Variants in NKAIN3 observed in about 807,000 individuals in gnomAD.
NKAIN3 encodes the protein sodium/potassium transporting ATPase interacting 3.
In NKAIN3, 25 loss-of-function variants were observed where a neutral mutation model predicts 30.2. That is an observed-to-expected ratio of 0.83 (90% CI 0.60 to 1.16). NKAIN3 has a LOEUF of 1.16. Among genes scored for constraint, NKAIN3 ranks in the 50% most tolerant of loss-of-function variants. The pLI, the probability that NKAIN3 is intolerant of heterozygous loss-of-function variation, is 0.00. For synonymous variants in NKAIN3, 91 were observed against 89.6 expected, an observed-to-expected ratio of 1.02 and a Z score of -0.09; for missense variants, 225 against 254.1, an observed-to-expected ratio of 0.89 and a Z score of 0.78.
At chr8:62,863,373 T>A (rs1820314854) in intron 4 of NKAIN3, 1 of 1,547,024 alleles carries the variant, frequency 6.5e-7, no homozygotes, top group East Asian at 2.3e-5. Flanking sequence ...TTCTCACATA[T>A]GCATCATCCA....
At chr8:62,503,665 A>G (rs1306747327) in intron 1 of NKAIN3, among the ~76,000 whole-genome samples, 1 of 151,964 alleles carries the variant, frequency 6.6e-6, no homozygotes, top group Non-Finnish European at 1.5e-5. Context: ...TAGGGTCTTA[A>G]TATTATATTC....
chr8:62,769,746 T>C (rs1380197821), intron 4 of NKAIN3, among the ~76,000 whole-genome samples: 1 of 152,216 alleles, frequency 6.6e-6, no homozygotes, highest in Admixed American at 6.5e-5. Flanking sequence ...ACCCAAAGTT[T>C]CTAAAGTCTT....
intron 1 of NKAIN3, among the ~76,000 whole-genome samples, chr8:62,497,849 G>A (rs1428834785): frequency 6.6e-6 from 1 of 152,060 alleles, no homozygotes; most frequent in African/African-American, 2.4e-5. Context: ...TTCCAGCATT[G>A]CCAGGTTGGG....
At chr8:62,995,513 G>A (rs1041965975) in intron 5 of NKAIN3, among the ~76,000 whole-genome samples, 2 of 152,152 alleles carry the variant, frequency 1.3e-5, no homozygotes, top group Non-Finnish European at 2.9e-5. Context: ...GTGCTGACCT[G>A]GGACTAGGGT....
At chr8:62,831,360 AG>A (rs1819193207) in intron 4 of NKAIN3, among the ~76,000 whole-genome samples, 1 of 152,220 alleles carries the variant, frequency 6.6e-6, no homozygotes, top group Non-Finnish European at 1.5e-5. Flanking sequence ...GAATCACACT[AG>A]CTCTCCAGAA....
At chr8:62,831,748 A>G (rs1819203891) in intron 4 of NKAIN3, among the ~76,000 whole-genome samples, 1 of 152,182 alleles carries the variant, frequency 6.6e-6, no homozygotes, top group Admixed American at 6.5e-5. Flanking sequence ...AAATCTATGA[A>G]TTATTAGAAT....
chr8:62,778,963 C>A (rs1160209980), intron 4 of NKAIN3, among the ~76,000 whole-genome samples: 1 of 152,062 alleles, frequency 6.6e-6, no homozygotes, highest in Non-Finnish European at 1.5e-5. Context: ...CCCTTCAAGG[C>A]CACAGGTTTC....
chr8:62,290,422 T>C (rs1813553682), intron 1 of NKAIN3, among the ~76,000 whole-genome samples: 1 of 152,228 alleles, frequency 6.6e-6, no homozygotes, highest in African/African-American at 2.4e-5. Context: ...GTCCCAGCGA[T>C]ACCTGATTTA....
chr8:62,905,154 A>G (rs538019810), intron 4 of NKAIN3, among the ~76,000 whole-genome samples: 22 of 152,340 alleles, frequency 1.4e-4, no homozygotes, highest in African/African-American at 4.6e-4. Flanking sequence ...GACATTTACA[A>G]CTGGGCTTAA....
At chr8:62,861,978 T>G (rs187811417) in intron 4 of NKAIN3, among the ~76,000 whole-genome samples, 1 of 152,364 alleles carries the variant, frequency 6.6e-6, no homozygotes, top group Non-Finnish European at 1.5e-5. Flanking sequence ...TTATAAAATA[T>G]CTTTTTATTA....
chr8:62,436,564 C>G (rs1479238942), intron 1 of NKAIN3, among the ~76,000 whole-genome samples: 1 of 152,102 alleles, frequency 6.6e-6, no homozygotes, highest in Non-Finnish European at 1.5e-5. Flanking sequence ...AGATATCCAT[C>G]TTCCTCTTCT....
At chr8:62,603,882 A>G (rs1811050223) in intron 3 of NKAIN3, among the ~76,000 whole-genome samples, 1 of 151,738 alleles carries the variant, frequency 6.6e-6, no homozygotes, top group Admixed American at 6.6e-5. Flanking sequence ...ATGATTGGTC[A>G]GATTAGTGTC....
At chr8:62,271,983 G>A (rs1347151341) in intron 1 of NKAIN3, among the ~76,000 whole-genome samples, 1 of 152,120 alleles carries the variant, frequency 6.6e-6, no homozygotes, top group Non-Finnish European at 1.5e-5. Context: ...GGCTATTATA[G>A]AGGCAGTAAC....
At chr8:62,478,611 A>G (rs1472360103) in intron 1 of NKAIN3, among the ~76,000 whole-genome samples, 1 of 152,200 alleles carries the variant, frequency 6.6e-6, no homozygotes, top group East Asian at 1.9e-4. Flanking sequence ...TATCATTATT[A>G]ATAATCTTTA....
intron 4 of NKAIN3, chr8:62,855,776 CT>C: frequency 1.8e-6 from 2 of 1,117,436 alleles, no homozygotes; most frequent in Non-Finnish European, 2.7e-6. Flanking sequence ...TAAAGGGCAT[CT>C]TCCTTTTATC....
chr8:62,459,903 C>T (rs1805936614), intron 1 of NKAIN3, among the ~76,000 whole-genome samples: 1 of 152,104 alleles, frequency 6.6e-6, no homozygotes, highest in Non-Finnish European at 1.5e-5. Context: ...TTAGTGTTTC[C>T]TTTGACAGAG....
rs1017138424 is a variant in NKAIN3 at position 62,975,241 on chromosome 8, G to C, written c.*9834G>C. 6.6e-6 allele frequency among the ~76,000 whole-genome samples: 1 copy of C among 152,032 alleles called. No homozygotes were observed. Among genetic ancestry groups the C allele is most frequent in the Admixed American group, 6.6e-5 (1 of 15,258 alleles). On this transcript the variant is annotated 3_prime_UTR_variant, in exon 7 of 7. Transcript: ENST00000623646. ...AATAGTTTCAGAAGGAATGGTACCA[G>C]CTCCTCTTTGTAACTCTGGTAGAGT...
At chr8:62,358,565 T>C (rs529860029) in intron 1 of NKAIN3, among the ~76,000 whole-genome samples, 1 of 152,310 alleles carries the variant, frequency 6.6e-6, no homozygotes, top group Non-Finnish European at 1.5e-5. Context: ...GTGTAATTTG[T>C]AAGAGATGGG....
chr8:62,797,526 G>A (rs916701787), intron 4 of NKAIN3, among the ~76,000 whole-genome samples: 2 of 152,286 alleles, frequency 1.3e-5, no homozygotes, highest in African/African-American at 4.8e-5. Flanking sequence ...CTGCCAGACA[G>A]TGACCTCCCT....
Sources: allele counts gnomAD v4.1 joint callset (sites outside exome capture counted in the v4.1 genomes callset), GRCh38; gene constraint gnomAD v4.1.1; transcripts MANE v1.5; gene names NCBI Gene and HGNC (gene_info 2026-07-23, HGNC 2026-07-21).